TRIM33: variants seen among roughly 807,000 people sequenced by gnomAD.
TRIM33 encodes E3 ubiquitin-protein ligase TRIM33.
Under a neutral mutation model 125.4 loss-of-function variants are expected in TRIM33, and 20 were observed. The ratio of observed to expected loss-of-function variants is 0.16; its 90% CI spans 0.11 to 0.23. The LOEUF is 0.23. Ranked by LOEUF, TRIM33 falls within the 10% of genes least tolerant of loss-of-function variation. The pLI is 1.00. For synonymous variants in TRIM33, 564 were observed against 513.9 expected (o/e 1.10, Z -1.32); for missense variants, 920 against 1,411.4 (o/e 0.65, Z 5.58).
chr1:114,455,002 T>G (rs965438187), intron 4 of TRIM33, among the ~76,000 whole-genome samples: 1 of 152,104 alleles, frequency 6.6e-6, no homozygotes, highest in Non-Finnish European at 1.5e-5. Context: ...AATAAAAACC[T>G]TTACTAAAAT....
intron 11 of TRIM33, among the ~76,000 whole-genome samples, chr1:114,418,711 A>G (rs965626611): frequency 6.6e-6 from 1 of 152,054 alleles, no homozygotes; most frequent in Non-Finnish European, 1.5e-5. Flanking sequence ...TGGCCTTTTT[A>G]GATATCTTTT....
chr1:114,495,154 G>A (rs1322607498), intron 1 of TRIM33, among the ~76,000 whole-genome samples: 2 of 152,054 alleles, frequency 1.3e-5, no homozygotes, highest in African/African-American at 4.8e-5. Context: ...ACCTCAAGTG[G>A]TTCGCTCATC....
At chr1:114,464,450 G>A in intron 1 of TRIM33, 62 bp from the exon 2 acceptor site, 1 of 927,240 alleles carries the variant, frequency 1.1e-6, no homozygotes, top group Non-Finnish European at 1.6e-6. Context: ...TGTGCATGAT[G>A]TCCATATAGA....
chr1:114,492,475 A>G (rs556788350), intron 1 of TRIM33, among the ~76,000 whole-genome samples: 64 of 152,216 alleles, frequency 4.2e-4, no homozygotes, highest in African/African-American at 1.5e-3. Context: ...TCCAACCATC[A>G]CCATAATTTT....
At chr1:114,438,816 T>C (rs891301811) in intron 4 of TRIM33, among the ~76,000 whole-genome samples, 1 of 152,224 alleles carries the variant, frequency 6.6e-6, no homozygotes, top group African/African-American at 2.4e-5. Flanking sequence ...ATCACTGTTA[T>C]TCTTAGCAGT....
intron 11 of TRIM33, among the ~76,000 whole-genome samples, chr1:114,420,048 G>A (rs1392153165): frequency 3.9e-5 from 6 of 152,044 alleles, no homozygotes; most frequent in Non-Finnish European, 8.8e-5. Flanking sequence ...TGGTGACCCC[G>A]GACTCCAAGA....
In TRIM33 at chr1:114,392,961, T is replaced by A. The variant is rs1651358771; in HGVS notation, c.*4687A>T. On this transcript the variant is annotated 3_prime_UTR_variant, in exon 20 of 20. Coordinates refer to ENST00000358465, the MANE Select transcript of TRIM33 (RefSeq NM_015906.4). ...ATGAAAAGAAAAAACTTGCTTTTAT[T>A]ACACACCAGCAAAAACACAGGAACG... is the stretch of plus-strand genomic sequence containing the variant. 5.0e-6 allele frequency: 1 copy of A among 201,002 alleles called. No homozygotes were observed. The highest frequency in any genetic ancestry group is 7.6e-5 in the East Asian group (1 of 13,114). 12.5% of individuals were successfully genotyped at this position (201,002 alleles called of 1,614,324 possible).
intron 5 of TRIM33, among the ~76,000 whole-genome samples, chr1:114,433,202 A>C (rs1557862676): frequency 1.3e-5 from 2 of 152,238 alleles, no homozygotes; most frequent in Non-Finnish European, 2.9e-5. Context: ...TCATGTATTC[A>C]TCTTATAATG....
At chr1:114,409,904 G>A (rs1012263691) in intron 12 of TRIM33, among the ~76,000 whole-genome samples, 2 of 152,050 alleles carry the variant, frequency 1.3e-5, no homozygotes, top group South Asian at 2.1e-4. Flanking sequence ...AAGAGAAGAC[G>A]GAGCCCTGTT....
chr1:114,400,195 T>C (rs962080816), intron 17 of TRIM33, among the ~76,000 whole-genome samples: 1 of 152,220 alleles, frequency 6.6e-6, no homozygotes, highest in Non-Finnish European at 1.5e-5. Flanking sequence ...AGCTATTTTA[T>C]TGACTGATTG....
chr1:114,394,094 T>A lies in TRIM33; in HGVS notation c.*3554A>T. 3 of 228,058 alleles carry A rather than the reference T, an allele frequency of 1.3e-5. No homozygotes were observed. The highest frequency in any genetic ancestry group is 2.6e-5 in the Non-Finnish European group (3 of 114,504). The allele number at this position is 228,058 out of a possible 1,614,324, so 14.1% of individuals were successfully genotyped here. A position where few individuals can be genotyped will look rare whatever the true frequency, so the allele number is the denominator to read the frequency against. Reference sequence around the variant, plus strand: ...AGTCACCTTCAGCAGATCATTAACATAGATGGTACAGAAATTAAGAATTCA... The same window carrying A: ...AGTCACCTTCAGCAGATCATTAACAAAGATGGTACAGAAATTAAGAATTCA... On this transcript the variant is annotated 3_prime_UTR_variant, in exon 20 of 20. Coordinates refer to ENST00000358465, the MANE Select transcript of TRIM33 (RefSeq NM_015906.4).
intron 1 of TRIM33, among the ~76,000 whole-genome samples, chr1:114,492,361 A>G (rs1259763149): frequency 6.6e-6 from 1 of 152,212 alleles, no homozygotes. Context: ...CATATAACAT[A>G]AAATTTGCCA....
rs1653356416 is a variant in TRIM33, at chr1:114,511,187, T to C, written c.-111A>G. On this transcript the variant is annotated 5_prime_UTR_variant, in exon 1 of 20. Transcript: ENST00000358465. ...CGCAGCAAGAGCGGCAGCCGAGAGC[T>C]AGCGAGAGAGCGAACCAACGAGAGC... 5.1e-6 allele frequency: 5 copies of C among 986,580 alleles called. No individual in the cohort carries two copies. Among genetic ancestry groups the C allele is most frequent in the Non-Finnish European group, 6.1e-6 (5 of 818,926 alleles). The allele number at this position is 986,580 out of a possible 1,614,324, so 61.1% of individuals were successfully genotyped here.
At chr1:114,487,932 G>GAAA (rs1651816563) in intron 1 of TRIM33, among the ~76,000 whole-genome samples, 5 of 130,624 alleles carry the variant, frequency 3.8e-5, no homozygotes, top group African/African-American at 9.3e-5. Context: ...AAAAAAAAAT[G>GAAA]AGAGTAAATA....
chr1:114,452,785 A>G (rs919083730), intron 4 of TRIM33, among the ~76,000 whole-genome samples: 7 of 151,062 alleles, frequency 4.6e-5, no homozygotes, highest in East Asian at 2.0e-4. Flanking sequence ...ACCTGTAGTC[A>G]TAACAATTTG....
intron 1 of TRIM33, among the ~76,000 whole-genome samples, chr1:114,506,872 C>T (rs913308125): frequency 6.6e-6 from 1 of 152,030 alleles, no homozygotes; most frequent in African/African-American, 2.4e-5. Flanking sequence ...GTGGTGGTAC[C>T]ACCAGCATCA....
chr1:114,510,930 T>TTCG lies in TRIM33; in HGVS notation c.146_147insCGA (p.Glu48_Glu49insAsp), dbSNP rs768729446. The TTCG allele has an allele frequency of 7.1e-7, 1 of 1,414,788 alleles. No homozygotes were observed. The highest frequency in any genetic ancestry group is 1.5e-5 in the South Asian group (1 of 68,304). 87.6% of individuals were successfully genotyped at this position (1,414,788 alleles called of 1,614,324 possible). On this transcript the variant is annotated inframe_insertion, in exon 1 of 20. Transcript: ENST00000358465. ...CGCCCTCAGCGCCGGCCCTGCCGCC[T>TTCG]TCCTCCTCCTCCTCCTCCACCAGCA... is the stretch of plus-strand genomic sequence containing the variant.
At chr1:114,443,600 C>CAT (rs1648795949) in intron 4 of TRIM33, among the ~76,000 whole-genome samples, 1 of 152,080 alleles carries the variant, frequency 6.6e-6, no homozygotes, top group Admixed American at 6.6e-5. Flanking sequence ...AAGTAACTAC[C>CAT]ATCATAAACT....
chr1:114,504,524 T>A (rs919523244), intron 1 of TRIM33, among the ~76,000 whole-genome samples: 2 of 152,174 alleles, frequency 1.3e-5, no homozygotes, highest in African/African-American at 4.8e-5. Context: ...GCGCAGTGAA[T>A]AAGGAGAATA....
Sources: gnomAD v4.1 joint callset for allele counts (sites outside exome capture counted in the v4.1 genomes callset) on GRCh38, gnomAD v4.1.1 for gene constraint, MANE v1.5 for transcripts, NCBI Gene and HGNC (gene_info 2026-07-23, HGNC 2026-07-21) for gene names.